The following SPOCK3 variants were observed in gnomAD, a reference collection of about 807,000 sequenced individuals.
The protein encoded by SPOCK3 is SPARC (osteonectin), cwcv and kazal like domains proteoglycan 3, also known as testican-3.
SPOCK3 carries 30 observed loss-of-function variants against 56.6 expected under a neutral mutation model. The observed-to-expected ratio is 0.53, with a 90% CI of 0.40 to 0.72. The LOEUF is 0.72. Ranked by LOEUF, SPOCK3 falls within the 30% of genes least tolerant of loss-of-function variation. The pLI, the probability that SPOCK3 is intolerant of heterozygous loss-of-function variation, is 0.00. For synonymous variants in SPOCK3, 196 were observed against 183.3 expected (o/e 1.07, Z -0.56); for missense variants, 527 against 530.0 (o/e 0.99, Z 0.06).
intron 3 of SPOCK3, among the ~76,000 whole-genome samples, chr4:167,001,799 G>A (rs1227928018): frequency 6.6e-6 from 1 of 152,120 alleles, no homozygotes; most frequent in African/African-American, 2.4e-5. Context: ...TTTGGAATAT[G>A]CAGAAGTATT....
At chr4:167,022,353 C>T (rs1751270475) in intron 3 of SPOCK3, among the ~76,000 whole-genome samples, 1 of 152,030 alleles carries the variant, frequency 6.6e-6, no homozygotes, top group East Asian at 1.9e-4. Context: ...CAAAGCCTGA[C>T]CGGAGTAAAC....
At chr4:167,155,733 A>G (rs992047435) in intron 2 of SPOCK3, among the ~76,000 whole-genome samples, 3 of 152,180 alleles carry the variant, frequency 2.0e-5, no homozygotes, top group African/African-American at 7.2e-5. Context: ...TGAAAATAGC[A>G]GGGAGAAAAA....
chr4:166,995,923 C>T (rs1392329730), intron 4 of SPOCK3, among the ~76,000 whole-genome samples: 3 of 152,070 alleles, frequency 2.0e-5, no homozygotes, highest in Admixed American at 6.6e-5. Context: ...ATAACTTATG[C>T]TTTGTGATTA....
chr4:167,085,174 G>GA (rs59113311), intron 2 of SPOCK3, among the ~76,000 whole-genome samples: 2,915 of 97,028 alleles, frequency 0.03, 46 homozygotes, highest in Non-Finnish European at 0.034. Flanking sequence ...GTTGAATCTA[G>GA]AAAAAAAAAA....
rs1304558421 is a variant in SPOCK3, at chr4:166,889,122, T to G, written c.589+8A>C. On this transcript the variant is annotated splice_region_variant and intron_variant, in intron 6 of 10. Transcript: ENST00000357545. ...ATGTAAAATTATAAATATATTTTTG[T>G]CACTTACCTCTCTTAACATTTCTGC... 6.6e-7 allele frequency: 1 copy of G among 1,520,372 alleles called. No homozygotes were observed. Among genetic ancestry groups the G allele is most frequent in the African/African-American group, 1.4e-5 (1 of 72,910 alleles). The allele number at this position is 1,520,372 out of a possible 1,614,324, so 94.2% of individuals were successfully genotyped here. A position where few individuals can be genotyped will look rare whatever the true frequency, so the allele number is the denominator to read the frequency against.
intron 6 of SPOCK3, among the ~76,000 whole-genome samples, chr4:166,838,098 CT>C (rs1335318641): frequency 3.3e-5 from 5 of 151,992 alleles, no homozygotes; most frequent in Admixed American, 6.6e-5. Flanking sequence ...TTCCCAGATT[CT>C]TTCTTCATCT....
chr4:167,151,960 T>C (rs1361168236), intron 2 of SPOCK3, among the ~76,000 whole-genome samples: 1 of 152,156 alleles, frequency 6.6e-6, no homozygotes, highest in African/African-American at 2.4e-5. Flanking sequence ...TACTAGACAG[T>C]AGAGACGGGC....
intron 2 of SPOCK3, among the ~76,000 whole-genome samples, chr4:167,153,729 C>T (rs1358172363): frequency 6.6e-6 from 1 of 152,160 alleles, no homozygotes; most frequent in Admixed American, 6.5e-5. Context: ...CTATTAAACA[C>T]AGTGAATACT....
At chr4:166,929,708 G>A (rs1246306501) in intron 4 of SPOCK3, among the ~76,000 whole-genome samples, 6 of 152,012 alleles carry the variant, frequency 3.9e-5, no homozygotes, top group African/African-American at 1.4e-4. Context: ...AAAACAAGAT[G>A]TATACTACTC....
chr4:166,797,791 G>A (rs1354703551), intron 6 of SPOCK3, among the ~76,000 whole-genome samples: 5 of 151,958 alleles, frequency 3.3e-5, no homozygotes, highest in South Asian at 2.1e-4. Context: ...AATATTTATT[G>A]TGTATATCTG....
chr4:166,835,518 C>A (rs1208124538), intron 6 of SPOCK3, among the ~76,000 whole-genome samples: 2 of 152,046 alleles, frequency 1.3e-5, no homozygotes, highest in Non-Finnish European at 2.9e-5. Flanking sequence ...ATTTTTCATA[C>A]ATCTGTATGA....
At chr4:166,988,833 A>G (rs566261611) in intron 4 of SPOCK3, among the ~76,000 whole-genome samples, 254 of 152,084 alleles carry the variant, frequency 1.7e-3, no homozygotes, top group Non-Finnish European at 3.1e-3. Flanking sequence ...AAATACCTAC[A>G]AATTTCTTAG....
intron 3 of SPOCK3, among the ~76,000 whole-genome samples, chr4:167,025,557 G>T (rs1368923147): frequency 6.6e-6 from 1 of 151,920 alleles, no homozygotes; most frequent in Admixed American, 6.6e-5. Context: ...TTCTCCTCCA[G>T]GTCAGGTACT....
At chr4:167,042,387 T>A (rs183947126) in intron 3 of SPOCK3, among the ~76,000 whole-genome samples, 1 of 152,286 alleles carries the variant, frequency 6.6e-6, no homozygotes, top group East Asian at 1.9e-4. Flanking sequence ...GTTATGTAAT[T>A]GTTATGTAAT....
chr4:166,983,280 T>C (rs913153249), intron 4 of SPOCK3, among the ~76,000 whole-genome samples: 4 of 152,088 alleles, frequency 2.6e-5, no homozygotes, highest in Non-Finnish European at 5.9e-5. Context: ...AAACCTATTA[T>C]TTACTTGTTT....
intron 6 of SPOCK3, among the ~76,000 whole-genome samples, chr4:166,809,920 T>G (rs561573616): frequency 6.6e-6 from 1 of 152,092 alleles, no homozygotes; most frequent in Admixed American, 6.6e-5. Flanking sequence ...AAACAAAAAT[T>G]TCTTCGTACC....
chr4:166,951,041 C>A (rs1363232077), intron 4 of SPOCK3, among the ~76,000 whole-genome samples: 1 of 135,560 alleles, frequency 7.4e-6, no homozygotes, highest in Non-Finnish European at 1.5e-5. Context: ...AAAGCAAGAG[C>A]AAACACATTC....
intron 2 of SPOCK3, among the ~76,000 whole-genome samples, chr4:167,173,988 T>C (rs115374377): frequency 1.5e-3 from 224 of 152,264 alleles, no homozygotes; most frequent in Non-Finnish European, 2.7e-3. Flanking sequence ...AAAGGTAACA[T>C]GCAACATAAT....
At chr4:167,068,833 A>G (rs1561183750) in intron 2 of SPOCK3, among the ~76,000 whole-genome samples, 2 of 152,062 alleles carry the variant, frequency 1.3e-5, no homozygotes, top group Non-Finnish European at 2.9e-5. Flanking sequence ...TGCATTCAGA[A>G]TGGACTAAGT....
Sources: gnomAD v4.1 joint callset for allele counts (sites outside exome capture counted in the v4.1 genomes callset) on GRCh38, gnomAD v4.1.1 for gene constraint, MANE v1.5 for transcripts, NCBI Gene and HGNC (gene_info 2026-07-23, HGNC 2026-07-21) for gene names.